The following PDE4D variants were observed in gnomAD, a reference collection of about 807,000 sequenced individuals.
The protein encoded by PDE4D is 3',5'-cyclic-AMP phosphodiesterase 4D.
PDE4D carries 24 observed loss-of-function variants against 87.4 expected under a neutral mutation model. The ratio of observed to expected loss-of-function variants is 0.27; its 90% CI spans 0.20 to 0.39. The LOEUF is 0.39. Among genes scored for constraint, PDE4D ranks in the 10% least tolerant of loss-of-function variants. PDE4D has a pLI of 1.00. For missense variants in PDE4D, 714 were observed against 1,041.0 expected (o/e 0.69, Z 4.32); for synonymous variants, 384 against 383.2 (o/e 1.00, Z -0.02).
At chr5:59,834,370 G>A (rs947333076) in intron 1 of PDE4D, among the ~76,000 whole-genome samples, 1 of 151,992 alleles carries the variant, frequency 6.6e-6, no homozygotes, top group Non-Finnish European at 1.5e-5. Context: ...TCATCAGCTG[G>A]ACAGTATTGA....
chr5:60,241,543 T>C (rs1747126287), intron 1 of PDE4D, among the ~76,000 whole-genome samples: 1 of 151,964 alleles, frequency 6.6e-6, no homozygotes, highest in Non-Finnish European at 1.5e-5. Flanking sequence ...CAAAGTGCTG[T>C]GCCCAGCTGG....
chr5:59,063,597 A>G (rs1457794408), intron 5 of PDE4D: 2 of 152,164 alleles, frequency 1.3e-5, no homozygotes, highest in African/African-American at 4.8e-5. Flanking sequence ...ACTTTTTGAG[A>G]TGGGTCAGGG....
intron 1 of PDE4D, among the ~76,000 whole-genome samples, chr5:59,845,197 G>A (rs1045388915): frequency 1.3e-5 from 2 of 152,058 alleles, no homozygotes; most frequent in Admixed American, 6.6e-5. Flanking sequence ...CTGACCCAGG[G>A]AAAACATGAG....
At chr5:59,407,859 C>T (rs1364184637) in intron 1 of PDE4D, among the ~76,000 whole-genome samples, 2 of 152,160 alleles carry the variant, frequency 1.3e-5, no homozygotes, top group Non-Finnish European at 2.9e-5. Context: ...GACCTGGCTG[C>T]TTCTAATAAC....
At chr5:60,262,556 C>G (rs1188362987) in intron 1 of PDE4D, 1 of 152,146 alleles carries the variant, frequency 6.6e-6, no homozygotes, top group East Asian at 1.9e-4. Context: ...GAAAGCCTCT[C>G]TTTATTTTAC....
At chr5:60,426,903 T>C (rs1387896558) in intron 1 of PDE4D, among the ~76,000 whole-genome samples, 4 of 150,316 alleles carry the variant, frequency 2.7e-5, no homozygotes, top group Non-Finnish European at 5.9e-5. Context: ...ATTCTAGAAC[T>C]AAAAAAAAAT....
chr5:60,518,471 A>G (rs1750900875), intron 1 of PDE4D, among the ~76,000 whole-genome samples: 2 of 152,366 alleles, frequency 1.3e-5, no homozygotes, highest in African/African-American at 4.8e-5. Context: ...TAAAAATTGT[A>G]GGAAATATAG....
At chr5:59,365,837 A>T (rs180960077) in intron 1 of PDE4D, among the ~76,000 whole-genome samples, 2 of 152,340 alleles carry the variant, frequency 1.3e-5, no homozygotes, top group Admixed American at 6.5e-5. Flanking sequence ...TAGTGCTCAC[A>T]CATTAAAACT....
chr5:60,464,578 T>C (rs1747200832), intron 1 of PDE4D, among the ~76,000 whole-genome samples: 1 of 152,174 alleles, frequency 6.6e-6, no homozygotes, highest in African/African-American at 2.4e-5. Context: ...TGATTGTTGC[T>C]TCCCCTGGAA....
chr5:59,196,347 G>T (rs550251815), intron 2 of PDE4D, among the ~76,000 whole-genome samples: 1 of 152,214 alleles, frequency 6.6e-6, no homozygotes, highest in Non-Finnish European at 1.5e-5. Flanking sequence ...GATTCCTATG[G>T]AACAGCTTAA....
chr5:60,479,766 T>C (rs911496773), intron 1 of PDE4D, among the ~76,000 whole-genome samples: 1 of 152,148 alleles, frequency 6.6e-6, no homozygotes, highest in African/African-American at 2.4e-5. Flanking sequence ...AAAAAACAGA[T>C]TTGGCCTACA....
intron 1 of PDE4D, among the ~76,000 whole-genome samples, chr5:60,455,516 T>C (rs1746404153): frequency 1.3e-5 from 2 of 152,240 alleles, no homozygotes; most frequent in African/African-American, 4.8e-5. Flanking sequence ...TTGCCTAGAC[T>C]CTGAACAAGC....
At chr5:59,585,031 C>T (rs1415708054) in intron 1 of PDE4D, among the ~76,000 whole-genome samples, 2 of 152,144 alleles carry the variant, frequency 1.3e-5, no homozygotes, top group African/African-American at 4.8e-5. Context: ...CACCAAGGCT[C>T]CCCCTGACTA....
At chr5:59,380,251 C>T (rs1261547802) in intron 1 of PDE4D, among the ~76,000 whole-genome samples, 2 of 151,300 alleles carry the variant, frequency 1.3e-5, no homozygotes, top group Non-Finnish European at 2.9e-5. Context: ...TTCAAAATAA[C>T]TTATTTACTA....
intron 5 of PDE4D, among the ~76,000 whole-genome samples, chr5:59,051,244 A>G (rs1761505355): frequency 6.6e-6 from 1 of 152,204 alleles, no homozygotes; most frequent in Admixed American, 6.5e-5. Flanking sequence ...TGTGTGGCAC[A>G]TGTCTGTAGT....
At chr5:60,195,025 C>T (rs866010499) in intron 1 of PDE4D, among the ~76,000 whole-genome samples, 50 of 151,764 alleles carry the variant, frequency 3.3e-4, no homozygotes, top group African/African-American at 7.7e-4. Context: ...TCTTTGCATA[C>T]GCCATACGGT....
chr5:59,102,339 G>A (rs959523971), intron 5 of PDE4D, among the ~76,000 whole-genome samples: 3 of 152,000 alleles, frequency 2.0e-5, no homozygotes, highest in Non-Finnish European at 4.4e-5. Flanking sequence ...GCACGCCTCG[G>A]CCTCCCAAAG....
chr5:59,645,958 T>C (rs1169823419), intron 1 of PDE4D, among the ~76,000 whole-genome samples: 2 of 152,102 alleles, frequency 1.3e-5, no homozygotes, highest in African/African-American at 4.8e-5. Flanking sequence ...ATTCTCAACA[T>C]AGAAAACATA....
chr5:60,205,619 C>A (rs1054129900), intron 1 of PDE4D, among the ~76,000 whole-genome samples: 1 of 152,074 alleles, frequency 6.6e-6, no homozygotes, highest in African/African-American at 2.4e-5. Flanking sequence ...GGCATGGTGG[C>A]TCACGCCTGT....
Sources: allele counts gnomAD v4.1 joint callset (sites outside exome capture counted in the v4.1 genomes callset), GRCh38; gene constraint gnomAD v4.1.1; transcripts MANE v1.5; gene names NCBI Gene and HGNC (gene_info 2026-07-23, HGNC 2026-07-21).